KCND3: variants seen among roughly 807,000 people sequenced by gnomAD.
The protein encoded by KCND3 is potassium voltage-gated channel subfamily D member 3.
Under a neutral mutation model 51.1 loss-of-function variants are expected in KCND3, and 9 were observed. The observed-to-expected ratio is 0.18, with a 90% CI of 0.11 to 0.31. The LOEUF is 0.31. Among genes scored for constraint, KCND3 ranks in the 10% least tolerant of loss-of-function variants. The pLI is 1.00. For missense variants in KCND3, 526 were observed against 903.8 expected (o/e 0.58, Z 5.36); for synonymous variants, 349 against 368.0 (o/e 0.95, Z 0.59).
At chr1:111,886,228 A>G (rs1669566166) in intron 2 of KCND3, among the ~76,000 whole-genome samples, 1 of 152,204 alleles carries the variant, frequency 6.6e-6, no homozygotes, top group African/African-American at 2.4e-5. Flanking sequence ...CCACCAACAT[A>G]CACAATGAAA....
chr1:111,920,600 G>C (rs1671431770), intron 2 of KCND3, among the ~76,000 whole-genome samples: 1 of 152,326 alleles, frequency 6.6e-6, no homozygotes, highest in Admixed American at 6.5e-5. Flanking sequence ...GGCAGCTGCA[G>C]CCCCTGTGGG....
At chr1:111,901,034 G>C (rs1432271428) in intron 2 of KCND3, among the ~76,000 whole-genome samples, 1 of 152,218 alleles carries the variant, frequency 6.6e-6, no homozygotes, top group African/African-American at 2.4e-5. Context: ...TTGGGATTGA[G>C]TTGAGGGAAG....
In KCND3 at chr1:111,787,070, C is replaced by T. The variant is rs1557936925; in HGVS notation, c.1143G>A (p.Lys381=). The stretch of plus-strand genomic sequence containing the variant: ...TCAAGGAGCAGATGGAGCCGAAGAT[C>T]TTCCCTGCAATCGTCTTAGGCACCA... ...GDMVPKTIAG[K]IFGSICSLSG... is the part of the protein sequence containing the mutation. Residue 381 remains lysine (K), a synonymous_variant, in exon 3 of 8, where the codon AAG becomes AAA. Coordinates refer to ENST00000302127, the MANE Select transcript of KCND3 (RefSeq NM_001378969.1). The T allele has an allele frequency of 1.9e-6, 3 of 1,614,102 alleles. No homozygotes were observed. The highest frequency in any genetic ancestry group is 1.7e-5 in the Admixed American group (1 of 60,010).
intron 2 of KCND3, among the ~76,000 whole-genome samples, chr1:111,886,274 T>G (rs1232197994): frequency 6.6e-6 from 1 of 152,150 alleles, no homozygotes; most frequent in African/African-American, 2.4e-5. Context: ...TCAAGGGAAA[T>G]GGCCCATTGT....
intron 2 of KCND3, among the ~76,000 whole-genome samples, chr1:111,929,861 C>A (rs374655613): frequency 5.2e-4 from 79 of 152,356 alleles, no homozygotes; most frequent in South Asian, 1.4e-3. Flanking sequence ...CATGCTCCCC[C>A]TTCCTTTGCT....
At chr1:111,863,384 C>G (rs1420181039) in intron 2 of KCND3, among the ~76,000 whole-genome samples, 1 of 150,642 alleles carries the variant, frequency 6.6e-6, no homozygotes, top group Non-Finnish European at 1.5e-5. Flanking sequence ...AAATTTAAAT[C>G]AATCTTTAAG....
At chr1:111,844,703 C>G (rs753940325) in intron 2 of KCND3, among the ~76,000 whole-genome samples, 4 of 152,216 alleles carry the variant, frequency 2.6e-5, no homozygotes, top group Admixed American at 6.5e-5. Flanking sequence ...TGGCCACCCA[C>G]CTCTCCATGT....
In KCND3 at chr1:111,772,324, T is replaced by C. The variant is rs555489649; in HGVS notation, c.*3753A>G. The C allele has an allele frequency of 1.3e-5, 2 of 152,318 alleles. No homozygotes were observed. The highest frequency in any genetic ancestry group is 1.9e-4 in the East Asian group (1 of 5,188). The allele number at this position is 152,318 out of a possible 1,614,324, so 9.4% of individuals were successfully genotyped here. A position where few individuals can be genotyped will look rare whatever the true frequency, so the allele number is the denominator to read the frequency against. On this transcript the variant is annotated 3_prime_UTR_variant, in exon 8 of 8. Coordinates refer to ENST00000302127, the MANE Select transcript of KCND3 (RefSeq NM_001378969.1). Reference sequence around the variant, plus strand: ...ACTTGTTCACTGATTTCTGACAAAATTGATAGTCCATAGATGTTTCTACCC... The same window carrying C: ...ACTTGTTCACTGATTTCTGACAAAACTGATAGTCCATAGATGTTTCTACCC...
intron 2 of KCND3, among the ~76,000 whole-genome samples, chr1:111,792,386 T>A (rs1402059279): frequency 6.6e-6 from 1 of 152,238 alleles, no homozygotes; most frequent in Non-Finnish European, 1.5e-5. Context: ...GATGTTTTCA[T>A]GCCTCTGCTC....
chr1:111,778,351 C>T, intron 6 of KCND3, 85 bp downstream of exon 6: 2 of 1,293,292 alleles, frequency 1.5e-6, no homozygotes, highest in East Asian at 4.6e-5. Context: ...TGCACAGAAC[C>T]AGGCCGGGGG....
intron 2 of KCND3, among the ~76,000 whole-genome samples, chr1:111,823,612 C>T (rs1333837145): frequency 1.3e-5 from 2 of 152,190 alleles, no homozygotes; most frequent in African/African-American, 2.4e-5. Context: ...AGCTGAATAA[C>T]ACATTTCATT....
rs1664356683 is a variant in KCND3, at chr1:111,780,935, G to A, written c.1270-144C>T. The A allele has an allele frequency of 1.4e-6, 1 of 726,936 alleles. No individual in the cohort carries two copies. Among genetic ancestry groups the A allele is most frequent in the Non-Finnish European group, 2.4e-6 (1 of 409,260 alleles). 45.0% of individuals were successfully genotyped at this position (726,936 alleles called of 1,614,324 possible). Reference sequence around the variant, plus strand: ...TTCTCTCCAACCTCATGCATCTCCAGTTGTGTACCCACTTTGTATAGCTTG... The same window carrying A: ...TTCTCTCCAACCTCATGCATCTCCAATTGTGTACCCACTTTGTATAGCTTG... On this transcript the variant is annotated intron_variant, in intron 3 of 7. Coordinates refer to ENST00000302127, the MANE Select transcript of KCND3 (RefSeq NM_001378969.1). This position sits in a 1 kb window ranked among gnomAD's most constrained non-coding sequence, Gnocchi z 4.2.
intron 2 of KCND3, among the ~76,000 whole-genome samples, chr1:111,896,309 A>AC (rs1325578740): frequency 1.3e-5 from 2 of 151,762 alleles, no homozygotes; most frequent in Non-Finnish European, 2.9e-5. Flanking sequence ...GAGGGGACTG[A>AC]CCCCCTATTC....
intron 1 of KCND3, among the ~76,000 whole-genome samples, chr1:111,986,241 C>G (rs1484189751): frequency 6.6e-6 from 1 of 152,322 alleles, no homozygotes; most frequent in East Asian, 1.9e-4. Flanking sequence ...CTTTTACACA[C>G]AACATTTAAT....
At chr1:111,910,265 CT>C (rs1173813918) in intron 2 of KCND3, 1 of 152,234 alleles carries the variant, frequency 6.6e-6, no homozygotes, top group Non-Finnish European at 1.5e-5. Context: ...ACGGAATGGC[CT>C]TTCCTTAAAG....
At position 111,959,037 on chromosome 1, in the gene KCND3, C is replaced by T. The variant is rs1373453040; in HGVS notation, c.1106+22584G>A. Among the ~76,000 whole-genome samples, 13 of 152,300 alleles carry T rather than the reference C, an allele frequency of 8.5e-5. No individual in the cohort carries two copies. In the East Asian group the frequency reaches 9.6e-4, roughly 11 times the overall value. On this transcript the variant is annotated intron_variant, in intron 2 of 7. Transcript: ENST00000302127. ...ATATAGGAGAAGGGAAACACACTCTCGCACACACACTCACAGAGTCAGCCA... is the reference window on the plus strand; with the variant it reads ...ATATAGGAGAAGGGAAACACACTCTTGCACACACACTCACAGAGTCAGCCA...
Position 111,775,655 on chromosome 1 carries a change from T to C in KCND3, c.*422A>G, listed in dbSNP as rs1195717989. 2 of 274,618 alleles carry C rather than the reference T, an allele frequency of 7.3e-6. No homozygotes were observed. The highest frequency in any genetic ancestry group is 1.4e-5 in the Non-Finnish European group (2 of 139,108). 17.0% of individuals were successfully genotyped at this position (274,618 alleles called of 1,614,324 possible). Reference sequence around the variant, plus strand: ...AGGTGCTTAAATACACAGTGTTATATTTTCTTCCTGTTTTGCTTGTGACAA... The same window carrying C: ...AGGTGCTTAAATACACAGTGTTATACTTTCTTCCTGTTTTGCTTGTGACAA... On this transcript the variant is annotated 3_prime_UTR_variant, in exon 8 of 8. Transcript: ENST00000302127.
chr1:111,934,307 G>C (rs1672110876), intron 2 of KCND3, among the ~76,000 whole-genome samples: 1 of 152,204 alleles, frequency 6.6e-6, no homozygotes, highest in Non-Finnish European at 1.5e-5. Context: ...CTCATGACAA[G>C]ACATCTGAGT....
chr1:111,811,529 G>T (rs1239006268), intron 2 of KCND3, among the ~76,000 whole-genome samples: 1 of 152,136 alleles, frequency 6.6e-6, no homozygotes, highest in African/African-American at 2.4e-5. Context: ...TGGCTAAGGG[G>T]TGGGCGATGA....
Sources: allele counts gnomAD v4.1 joint callset (sites outside exome capture counted in the v4.1 genomes callset), GRCh38; gene constraint gnomAD v4.1.1; non-coding constraint Gnocchi (gnomAD v3.1); transcripts MANE v1.5; gene names NCBI Gene and HGNC (gene_info 2026-07-23, HGNC 2026-07-21).